The following SLC37A1 variants were observed in gnomAD, a reference collection of about 807,000 sequenced individuals.
SLC37A1 encodes solute carrier family 37 member 1, also known as glucose-6-phosphate exchanger SLC37A1.
A neutral mutation model predicts 75.3 loss-of-function variants in SLC37A1; 49 were observed. The observed-to-expected ratio is 0.65, with a 90% confidence interval of 0.52 to 0.83. The LOEUF (loss-of-function observed/expected upper bound fraction) is 0.83. Ranked by LOEUF, SLC37A1 falls within the 40% of genes least tolerant of loss-of-function variation. The pLI is 0.00. For synonymous variants in SLC37A1, 268 were observed against 292.1 expected (o/e 0.92, Z 0.84); for missense variants, 566 against 695.0 (o/e 0.81, Z 2.09).
intron 8 of SLC37A1, among the ~76,000 whole-genome samples, chr21:42,546,675 G>T (rs2055415322): frequency 6.6e-6 from 1 of 152,238 alleles, no homozygotes; most frequent in Non-Finnish European, 1.5e-5. Context: ...CTGGGGACAG[G>T]CCGGGGCGTG....
intron 15 of SLC37A1, among the ~76,000 whole-genome samples, chr21:42,566,394 G>T (rs9976677): frequency 0.53 from 81,281 of 152,154 alleles, 22,640 homozygotes; most frequent in Admixed American, 0.66. Flanking sequence ...CCCTCCAGGA[G>T]CGGTTGCGTA....
At chr21:42,537,181 C>T (rs142782117) in intron 5 of SLC37A1, among the ~76,000 whole-genome samples, 195 of 152,250 alleles carry the variant, frequency 1.3e-3, no homozygotes, top group East Asian at 0.01. Context: ...CTTTATTGAA[C>T]GTGTGTATTT....
chr21:42,575,319 T>A, intron 18 of SLC37A1: 6 of 985,486 alleles, frequency 6.1e-6, no homozygotes, highest in Non-Finnish European at 7.2e-6. Context: ...ACACAGAGCC[T>A]GGCCTCCCAG....
At chr21:42,566,113 C>G (rs60069728) in intron 15 of SLC37A1, among the ~76,000 whole-genome samples, 5,171 of 152,274 alleles carry the variant, frequency 0.034, 274 homozygotes, top group African/African-American at 0.11. Context: ...AGTGTGCAAG[C>G]CTGGTCTGGG....
intron 4 of SLC37A1, among the ~76,000 whole-genome samples, chr21:42,535,182 A>G (rs2055105405): frequency 6.6e-6 from 1 of 152,256 alleles, no homozygotes; most frequent in Non-Finnish European, 1.5e-5. Flanking sequence ...GTGGACACGT[A>G]AAAGAAAAGG....
At chr21:42,513,705 G>A (rs1420283846), upstream of SLC37A1, among the ~76,000 whole-genome samples, 3 of 149,766 alleles carry the variant, frequency 2.0e-5, no homozygotes, top group Non-Finnish European at 3.0e-5. Context: ...GTGGCCCCGG[G>A]GCTGGTGCGA....
intron 3 of SLC37A1, among the ~76,000 whole-genome samples, chr21:42,529,485 C>T (rs550215070): frequency 7.9e-5 from 12 of 151,906 alleles, no homozygotes; most frequent in African/African-American, 1.7e-4. Context: ...ACCTGGGAGG[C>T]GAATGTTGCA....
At chr21:42,505,811 G>C (rs2054379627) in intron 2 of SLC37A1, among the ~76,000 whole-genome samples, 1 of 152,176 alleles carries the variant, frequency 6.6e-6, no homozygotes, top group African/African-American at 2.4e-5. Flanking sequence ...TAAGGATTTA[G>C]GGGAATTTTT....
In SLC37A1 at chr21:42,552,040, A is replaced by G. The variant is rs868049969; in HGVS notation, c.769-2022A>G. ...ATTTTTCTAATTAGTTTTTGTTTCA[A>G]ATGAATCACAATTAATATGAAAGAG... On this transcript the variant is annotated intron_variant, in intron 9 of 19. Transcript: ENST00000352133. The surrounding 1 kb of genome is among the most constrained non-coding windows in gnomAD (Gnocchi z 4.2). Among the ~76,000 whole-genome samples, 14 of 152,134 alleles carry G rather than the reference A, an allele frequency of 9.2e-5. No individual in the cohort carries two copies. The highest frequency in any genetic ancestry group is 5.9e-5 in the Non-Finnish European group (4 of 68,028).
At chr21:42,563,570 G>T (rs964392044) in intron 12 of SLC37A1, among the ~76,000 whole-genome samples, 21 of 152,306 alleles carry the variant, frequency 1.4e-4, no homozygotes, top group African/African-American at 4.6e-4. Context: ...CCCCTGGGGG[G>T]GTCTCTGAAC....
In SLC37A1 at chr21:42,508,122, C is replaced by CTTT. The variant is rs398036474; in HGVS notation, c.-179+5727_-179+5729dup. The stretch of plus-strand genomic sequence containing the variant: ...CTATAACTGGACTGAAGAGTACGCT[C>CTTT]TTTTTTTTTTTTTTTTTTTTTTTTG... On this transcript the variant is annotated intron_variant, in intron 2 of 20. Coordinates refer to the SLC37A1 transcript ENST00000398341. Among the ~76,000 whole-genome samples, 726 of 80,914 alleles carry CTTT rather than the reference C, an allele frequency of 9.0e-3. 14 individuals are homozygous for CTTT. Among genetic ancestry groups the CTTT allele is most frequent in the African/African-American group, 0.025 (520 of 21,010 alleles). 53.1% of individuals were successfully genotyped at this position (80,914 alleles called of 152,430 possible).
At chr21:42,506,224 C>A (rs953169077) in intron 2 of SLC37A1, among the ~76,000 whole-genome samples, 1 of 152,148 alleles carries the variant, frequency 6.6e-6, no homozygotes, top group Non-Finnish European at 1.5e-5. Flanking sequence ...ACTTTGTAGG[C>A]ATATTTGATT....
At chr21:42,543,638 G>A (rs774344863) in intron 8 of SLC37A1, 36 bp downstream of exon 8, 1 of 1,546,774 alleles carries the variant, frequency 6.5e-7, no homozygotes, top group African/African-American at 1.4e-5. Flanking sequence ...ACCCACCAAG[G>A]GAGGCCTCGG....
chr21:42,579,746 G>A lies in SLC37A1; in HGVS notation c.1532G>A (p.Arg511His), dbSNP rs145739558. ...ADACALLFLI[R>H]LIHKELSCPG... ...TTTGTTTTGGTGCAGTTCCTGATCC[G>A]CCTCATACACAAGGAGCTGAGCTGC... The change falls in exon 19 of 20, where the codon CGC becomes CAC. Residue 511 changes from arginine to histidine, a missense_variant. Coordinates refer to ENST00000352133, the MANE Select transcript of SLC37A1 (RefSeq NM_001320537.2). 2.2e-5 allele frequency: 35 copies of A among 1,614,098 alleles called. No homozygotes were observed. Among genetic ancestry groups the A allele is most frequent in the South Asian group, 1.8e-4 (16 of 91,078 alleles).
intron 12 of SLC37A1, 26 bp downstream of exon 12, chr21:42,562,194 A>G: frequency 1.3e-6 from 2 of 1,597,426 alleles, no homozygotes; most frequent in Non-Finnish European, 1.7e-6. Flanking sequence ...AGAACACATT[A>G]AATTCCGCAC....
chr21:42,547,278 C>G lies in SLC37A1; in HGVS notation c.768+138C>G. On this transcript the variant is annotated intron_variant, in intron 9 of 19. Coordinates refer to ENST00000352133, the MANE Select transcript of SLC37A1 (RefSeq NM_001320537.2). This position sits in a 1 kb window ranked among gnomAD's most constrained non-coding sequence, Gnocchi z 6.1. ...TCCCACCCTCAAAACATTGGCAGTT[C>G]TAGGAATAGAGAATATTCTGTTTTG... The G allele has an allele frequency of 1.1e-6, 1 of 901,202 alleles. No individual in the cohort carries two copies. The highest frequency in any genetic ancestry group is 1.8e-6 in the Non-Finnish European group (1 of 561,998). The allele number at this position is 901,202 out of a possible 1,614,324, so 55.8% of individuals were successfully genotyped here.
chr21:42,505,501 T>A (rs2054376039), intron 2 of SLC37A1, among the ~76,000 whole-genome samples: 1 of 152,110 alleles, frequency 6.6e-6, no homozygotes, highest in African/African-American at 2.4e-5. Flanking sequence ...GGTGACTGTG[T>A]CTCCCAGGTG....
At chr21:42,511,365 G>A (rs191581039), upstream of SLC37A1, among the ~76,000 whole-genome samples, 192 of 152,188 alleles carry the variant, frequency 1.3e-3, 1 homozygote, top group African/African-American at 4.6e-3. Flanking sequence ...TAAAGAAAAT[G>A]TGGTGTATAG....
At chr21:42,526,898 A>G (rs897447045) in intron 3 of SLC37A1, among the ~76,000 whole-genome samples, 8 of 152,252 alleles carry the variant, frequency 5.3e-5, no homozygotes, top group Non-Finnish European at 4.4e-5. Context: ...TCCGCTTGAC[A>G]AGAAACTCTC....
Sources: gnomAD v4.1 joint callset for allele counts (sites outside exome capture counted in the v4.1 genomes callset) on GRCh38, gnomAD v4.1.1 for gene constraint, Gnocchi (gnomAD v3.1) non-coding constraint, MANE v1.5 for transcripts, NCBI Gene and HGNC (gene_info 2026-07-23, HGNC 2026-07-21) for gene names.